The following GOSR1 variants were observed in gnomAD, a reference collection of about 807,000 sequenced individuals.
GOSR1 encodes the protein 28 kDa Golgi SNARE protein.
In GOSR1, 21 loss-of-function variants were observed where a neutral mutation model predicts 35.5. The observed-to-expected ratio is 0.59, with a 90% CI of 0.42 to 0.85. GOSR1 has a LOEUF of 0.85. Among genes scored for constraint, GOSR1 ranks in the 40% least tolerant of loss-of-function variants. The probability of loss-of-function intolerance (pLI) is 0.00; values close to 1 mark genes in which losing one functional copy is unlikely to be tolerated. For synonymous variants in GOSR1, 94 were observed against 106.6 expected, an observed-to-expected ratio of 0.88 and a Z score of 0.73; for missense variants, 285 against 309.6, an observed-to-expected ratio of 0.92 and a Z score of 0.60.
rs1328767792 is a variant in GOSR1, at chr17:30,525,339, C to T, written c.*2961C>T. Reference sequence around the variant, plus strand: ...AGGGCATTTGATATATTTTTCTTAACTATGGGGTTTATTTTTCTAAATGTG... The same window carrying T: ...AGGGCATTTGATATATTTTTCTTAATTATGGGGTTTATTTTTCTAAATGTG... On this transcript the variant is annotated 3_prime_UTR_variant, in exon 9 of 9. Coordinates refer to ENST00000451249, the MANE Select transcript of GOSR1 (RefSeq NM_001007025.2). 1 of 152,114 alleles carries T rather than the reference C, an allele frequency of 6.6e-6. No individual in the cohort carries two copies. Among genetic ancestry groups the T allele is most frequent in the African/African-American group, 2.4e-5 (1 of 41,418 alleles). The allele number at this position is 152,114 out of a possible 1,614,324, so 9.4% of individuals were successfully genotyped here. A position where few individuals can be genotyped will look rare whatever the true frequency, so the allele number is the denominator to read the frequency against.
intron 6 of GOSR1, among the ~76,000 whole-genome samples, chr17:30,501,063 G>A (rs1967186091): frequency 1.3e-5 from 2 of 152,050 alleles, no homozygotes; most frequent in African/African-American, 4.8e-5. Context: ...TGTATTTTTA[G>A]TAGAGACGGG....
At chr17:30,513,976 T>C (rs938372750) in intron 7 of GOSR1, among the ~76,000 whole-genome samples, 1 of 152,222 alleles carries the variant, frequency 6.6e-6, no homozygotes, top group Non-Finnish European at 1.5e-5. Context: ...AAGATTGATA[T>C]ATGGGCCAGC....
At chr17:30,491,378 G>A (rs1015720553) in intron 5 of GOSR1, among the ~76,000 whole-genome samples, 1 of 152,202 alleles carries the variant, frequency 6.6e-6, no homozygotes, top group African/African-American at 2.4e-5. Context: ...GAAAAGACCG[G>A]CCAGGCGTGG....
At chr17:30,495,495 T>C in intron 6 of GOSR1, 6 of 452,330 alleles carry the variant, frequency 1.3e-5, no homozygotes, top group Non-Finnish European at 2.7e-5. Flanking sequence ...CCTCATCTCT[T>C]CTGGATTCCT....
In GOSR1 at chr17:30,526,671, T is replaced by A. The variant is rs1026905987; in HGVS notation, c.*4293T>A. 1 of 152,688 alleles carries A rather than the reference T, an allele frequency of 6.5e-6. No homozygotes were observed. Among genetic ancestry groups the A allele is most frequent in the Non-Finnish European group, 1.5e-5 (1 of 68,046 alleles). 9.5% of individuals were successfully genotyped at this position (152,688 alleles called of 1,614,324 possible). A position where few individuals can be genotyped will look rare whatever the true frequency, so the allele number is the denominator to read the frequency against. ...CCTATTGTTTTCCAAATGCACTTTG[T>A]AAGTTTTTGCTTTTAAAATAGCTTC... On this transcript the variant is annotated 3_prime_UTR_variant, in exon 9 of 9. Coordinates refer to ENST00000451249, the MANE Select transcript of GOSR1 (RefSeq NM_001007025.2).
intron 6 of GOSR1, among the ~76,000 whole-genome samples, chr17:30,510,209 G>T (rs1967565100): frequency 6.6e-6 from 1 of 151,986 alleles, no homozygotes; most frequent in East Asian, 1.9e-4. Context: ...GAGTAGCTGG[G>T]ACTACAGGCA....
intron 4 of GOSR1, among the ~76,000 whole-genome samples, chr17:30,488,463 CTAAA>C (rs1405719983): frequency 6.6e-6 from 1 of 151,618 alleles, no homozygotes; most frequent in Non-Finnish European, 1.5e-5. Flanking sequence ...TGCGCCCAGC[CTAAA>C]TATAGTTTTT....
At chr17:30,515,283 A>G (rs1225337841) in intron 7 of GOSR1, among the ~76,000 whole-genome samples, 1 of 143,370 alleles carries the variant, frequency 7.0e-6, no homozygotes, top group East Asian at 2.1e-4. Context: ...ACACACCACC[A>G]TGCCCAGCTA....
intron 6 of GOSR1, among the ~76,000 whole-genome samples, chr17:30,497,700 G>T (rs538738827): frequency 6.6e-6 from 1 of 152,184 alleles, no homozygotes; most frequent in Non-Finnish European, 1.5e-5. Context: ...TGTGGAACCC[G>T]TCAATGCCAG....
intron 4 of GOSR1, among the ~76,000 whole-genome samples, chr17:30,488,567 T>A (rs1178992769): frequency 6.0e-5 from 9 of 149,626 alleles, no homozygotes; most frequent in African/African-American, 2.0e-4. Context: ...AGAGTCTCGC[T>A]CTGTTGCCTA....
chr17:30,494,953 T>A (rs1966940351), intron 6 of GOSR1, among the ~76,000 whole-genome samples: 1 of 151,782 alleles, frequency 6.6e-6, no homozygotes, highest in Non-Finnish European at 1.5e-5. Context: ...CACCCATTGT[T>A]TCTCTCTTTG....
At chr17:30,477,914 T>C (rs920106974) in intron 1 of GOSR1, 34 of 984,346 alleles carry the variant, frequency 3.5e-5, no homozygotes, top group Non-Finnish European at 4.1e-5. Context: ...AAGGAGGAAC[T>C]TGCATTCCGG....
chr17:30,498,590 A>G (rs999777847), intron 6 of GOSR1, among the ~76,000 whole-genome samples: 1 of 152,194 alleles, frequency 6.6e-6, no homozygotes, highest in African/African-American at 2.4e-5. Flanking sequence ...AGAGATAGAA[A>G]AAGATTGAAA....
chr17:30,482,674 T>C (rs1205755803), intron 2 of GOSR1, among the ~76,000 whole-genome samples: 3 of 152,356 alleles, frequency 2.0e-5, no homozygotes, highest in African/African-American at 7.2e-5. Flanking sequence ...ATTTCAACAC[T>C]ATAGCCAAAT....
chr17:30,479,914 C>G (rs577677186), intron 1 of GOSR1: 1 of 151,782 alleles, frequency 6.6e-6, no homozygotes, highest in South Asian at 2.1e-4. Flanking sequence ...TTTAGGAGTT[C>G]GAGAGCAGCC....
intron 1 of GOSR1, chr17:30,479,953 A>G (rs377306372): frequency 1.3e-5 from 2 of 152,154 alleles, no homozygotes; most frequent in East Asian, 3.9e-4. Flanking sequence ...AAAACAGAAA[A>G]GAAAAAAAGA....
At chr17:30,505,595 CAG>C (rs1408922025) in intron 6 of GOSR1, among the ~76,000 whole-genome samples, 5 of 152,142 alleles carry the variant, frequency 3.3e-5, no homozygotes, top group Non-Finnish European at 7.3e-5. Flanking sequence ...ATTTCGGTAA[CAG>C]TATTTTAGAT....
chr17:30,519,955 A>G lies in GOSR1; in HGVS notation c.556A>G (p.Lys186Glu). 1 of 1,606,620 alleles carries G rather than the reference A, an allele frequency of 6.2e-7. No individual in the cohort carries two copies. The highest frequency in any genetic ancestry group is 1.3e-5 in the African/African-American group (1 of 74,850). The part of the protein sequence containing the change: ...EETISIAMAT[K>E]ENMTSQRGML... ...CCCTTGCAGCATTGCTATGGCAACA[A>G]AAGAAAATATGACTTCACAGAGAGG... The change falls in exon 8 of 9, where the codon AAA becomes GAA. Residue 186 changes from lysine to glutamate, a missense_variant. Physicochemically the swap from Lys to Glu is moderately conservative, Grantham distance 56. Coordinates refer to ENST00000451249, the MANE Select transcript of GOSR1 (RefSeq NM_001007025.2).
intron 6 of GOSR1, among the ~76,000 whole-genome samples, chr17:30,494,710 C>T (rs1256737412): frequency 4.7e-5 from 7 of 148,244 alleles, no homozygotes; most frequent in African/African-American, 1.1e-4. Flanking sequence ...TGGGTTCCAG[C>T]GGTTCTCCTG....
Sources: allele counts gnomAD v4.1 joint callset (sites outside exome capture counted in the v4.1 genomes callset), GRCh38; gene constraint gnomAD v4.1.1; transcripts MANE v1.5; gene names NCBI Gene and HGNC (gene_info 2026-07-23, HGNC 2026-07-21).